PTOV1: variants seen among roughly 807,000 people sequenced by gnomAD.
The protein encoded by PTOV1 is PTOV1 extended AT-hook containing adaptor protein, also known as prostate tumor-overexpressed gene 1 protein.
A neutral mutation model predicts 58.0 loss-of-function variants in PTOV1; 20 were observed. The observed-to-expected ratio is 0.34, with a 90% CI of 0.24 to 0.50. PTOV1 has a LOEUF of 0.50. Ranked by LOEUF, PTOV1 falls within the 20% of genes least tolerant of loss-of-function variation. PTOV1 has a pLI of 0.98. For missense variants in PTOV1, 593 were observed against 565.4 expected, an observed-to-expected ratio of 1.05 and a Z score of -0.50; for synonymous variants, 335 against 234.2, an observed-to-expected ratio of 1.43 and a Z score of -3.93.
At chr19:49,856,931 GC>G (rs767943904) in intron 5 of PTOV1, 43 bp from the exon 6 acceptor site, 3 of 1,606,914 alleles carry the variant, frequency 1.9e-6, no homozygotes, top group Non-Finnish European at 2.5e-6. Flanking sequence ...GGGCACAGTG[GC>G]CCCGGGCAGT....
chr19:49,851,653 C>T (rs998072525), intron 1 of PTOV1, 154 bp downstream of exon 1: 2 of 1,103,746 alleles, frequency 1.8e-6, no homozygotes, highest in Admixed American at 4.7e-5. Flanking sequence ...CCCCGTGGAG[C>T]ACCCGGTGGT....
Position 49,851,213 on chromosome 19 carries a change from G to C in PTOV1, c.-116G>C, listed in dbSNP as rs1600348742. The C allele has an allele frequency of 5.1e-6, 6 of 1,170,978 alleles. No individual in the cohort carries two copies. The African/African-American group carries it at 6.5e-5, about 13-fold the overall frequency. The allele number at this position is 1,170,978 out of a possible 1,614,324, so 72.5% of individuals were successfully genotyped here. A position where few individuals can be genotyped will look rare whatever the true frequency, so the allele number is the denominator to read the frequency against. ...GCGGCGCGTCCCCCGAGCTTGGTAC[G>C]GCTCAGCCCGTCTCCCCCGAAGCCG... On this transcript the variant is annotated 5_prime_UTR_variant, in exon 1 of 12. Coordinates refer to ENST00000391842, the Ensembl canonical transcript of PTOV1.
chr19:49,860,566 TGCTTGGGA>T, exon 12 of PTOV1: 1 of 561,374 alleles, frequency 1.8e-6, no homozygotes, highest in South Asian at 2.5e-5. Context: ...GTGGGGTCAG[TGCTTGGGA>T]GCCTGTGGCC....
exon 5 of PTOV1, chr19:49,854,979 G>A (rs2074400161): frequency 6.3e-7 from 1 of 1,579,270 alleles, no homozygotes; most frequent in Non-Finnish European, 8.6e-7. Context: ...GACCACCCTG[G>A]GCCCCCTGTT....
chr19:49,854,307 G>C, intron 1 of PTOV1, 99 bp from the exon 2 acceptor site: 1 of 1,476,336 alleles, frequency 6.8e-7, no homozygotes, highest in South Asian at 1.3e-5. Flanking sequence ...AGGGGATTTG[G>C]GGCTGAATAT....
exon 3 of PTOV1, chr19:49,854,677 C>T: frequency 6.2e-7 from 1 of 1,613,520 alleles, no homozygotes; most frequent in Non-Finnish European, 8.5e-7. Context: ...TCTGACTCCA[C>T]TGCAAAGCTG....
intron 5 of PTOV1, among the ~76,000 whole-genome samples, chr19:49,855,866 C>T (rs2074439787): frequency 1.3e-5 from 2 of 152,014 alleles, no homozygotes; most frequent in Non-Finnish European, 2.9e-5. Flanking sequence ...TGAGGCTGTT[C>T]AGGTGACTGA....
chr19:49,859,890 G>C, intron 10 of PTOV1, 96 bp from the exon 11 acceptor site: 1 of 1,349,410 alleles, frequency 7.4e-7, no homozygotes, highest in Admixed American at 1.7e-5. Context: ...CAGTTAGGCT[G>C]TGCCTGGCTC....
exon 1 of PTOV1, chr19:49,851,185 C>G (rs2074227425): frequency 8.2e-7 from 1 of 1,222,242 alleles, no homozygotes; most frequent in South Asian, 3.3e-5. Flanking sequence ...CGACCCCACT[C>G]CGGCGGCGCG....
intron 6 of PTOV1, chr19:49,857,474 T>C (rs1240268302): frequency 1.6e-5 from 10 of 619,734 alleles, no homozygotes; most frequent in Non-Finnish European, 2.9e-5. Flanking sequence ...CTGCAGGTCC[T>C]GTGCACCAGG....
intron 6 of PTOV1, 47 bp from the exon 7 acceptor site, chr19:49,857,646 T>G: frequency 6.4e-7 from 1 of 1,562,720 alleles, no homozygotes; most frequent in Non-Finnish European, 8.8e-7. Flanking sequence ...ACAGACAGGT[T>G]TCCCAGGAGC....
intron 10 of PTOV1, 169 bp downstream of exon 10, chr19:49,858,822 G>A (rs895925860): frequency 4.8e-5 from 29 of 602,840 alleles, no homozygotes; most frequent in Admixed American, 1.1e-4. Flanking sequence ...CTGTCCCCAC[G>A]GCACTGGATG....
chr19:49,858,933 C>G (rs1005837407), intron 10 of PTOV1: 1 of 338,014 alleles, frequency 3.0e-6, no homozygotes, highest in Non-Finnish European at 5.5e-6. Flanking sequence ...GACAGGCGCC[C>G]TTGTCACTCC....
intron 10 of PTOV1, 136 bp from the exon 11 acceptor site, chr19:49,859,850 C>T: frequency 1.1e-6 from 1 of 936,222 alleles, no homozygotes. Context: ...GGGCCCACCT[C>T]CAGGGTGGGT....
Position 49,860,180 on chromosome 19 carries a change from AGGGGTG to A in PTOV1, c.1237_1239+3del, listed in dbSNP as rs1334694667. 1 of 1,613,710 alleles carries A rather than the reference AGGGGTG, an allele frequency of 6.2e-7. No individual in the cohort carries two copies. The highest frequency in any genetic ancestry group is 1.7e-5 in the Admixed American group (1 of 59,990). ...ACCTGGAGCAGGAGCAACAGCAACG[AGGGGTG>A]AGGTGGCCGGCCTCCAGGGCTGCTC... On this transcript the variant is annotated splice_donor_variant and splice_donor_region_variant and coding_sequence_variant and intron_variant, in exon 11 of 12. Transcript: ENST00000391842. LOFTEE classifies it high-confidence loss of function.
At position 49,854,746 on chromosome 19, in the gene PTOV1, G is replaced by A; in HGVS notation, c.392+12G>A. 9 of 1,613,380 alleles carry A rather than the reference G, an allele frequency of 5.6e-6. No homozygotes were observed. Among genetic ancestry groups the A allele is most frequent in the Non-Finnish European group, 7.6e-6 (9 of 1,179,950 alleles). The stretch of plus-strand genomic sequence containing the variant: ...CAAGGCGAGAACCTGTGAGTGCCGG[G>A]GCGTGGCAGCCAGGGCGGTGGCAGG... On this transcript the variant is annotated intron_variant, in intron 3 of 11. Transcript: ENST00000391842.
chr19:49,854,627 A>T, intron 2 of PTOV1, 25 bp from the exon 3 acceptor site: 1 of 1,613,296 alleles, frequency 6.2e-7, no homozygotes, highest in Non-Finnish European at 8.5e-7. Context: ...GGCTGTGCAC[A>T]GTGACGCCCC....
At chr19:49,858,265 A>T (rs1350530419) in intron 9 of PTOV1, 151 bp downstream of exon 9, 1 of 1,070,672 alleles carries the variant, frequency 9.3e-7, no homozygotes, top group Non-Finnish European at 1.3e-6. Context: ...GTAGCTCCTC[A>T]GGCTTGGCTT....
chr19:49,858,078 G>A, exon 9 of PTOV1: 1 of 1,614,050 alleles, frequency 6.2e-7, no homozygotes, highest in Non-Finnish European at 8.5e-7. Context: ...AGTGGCCAAG[G>A]AAGCTGTACA....
Sources: allele counts gnomAD v4.1 joint callset (sites outside exome capture counted in the v4.1 genomes callset), GRCh38; gene constraint gnomAD v4.1.1; transcripts MANE v1.5; gene names NCBI Gene and HGNC (gene_info 2026-07-23, HGNC 2026-07-21).